FLACC1: variants seen among roughly 807,000 people sequenced by gnomAD.
FLACC1 encodes flagellum associated containing coiled-coil domains 1, also known as flagellum-associated coiled-coil domain-containing protein 1.
In FLACC1, 66 loss-of-function variants were observed where a neutral mutation model predicts 62.8. The ratio of observed to expected loss-of-function variants is 1.05; its 90% CI spans 0.86 to 1.29. FLACC1 has a LOEUF of 1.29. Ranked by LOEUF, FLACC1 falls within the 50% of genes most tolerant of loss-of-function variation. FLACC1 has a pLI of 0.00. For synonymous variants in FLACC1, 156 were observed against 161.0 expected (o/e 0.97, Z 0.24); for missense variants, 452 against 489.1 (o/e 0.92, Z 0.71).
the FLACC1 span, among the ~76,000 whole-genome samples, chr2:201,363,657 C>T: frequency 6.6e-6 from 1 of 152,006 alleles, no homozygotes; most frequent in Non-Finnish European, 1.5e-5. Flanking sequence ...CTCCTCCATG[C>T]TCAGGCAGAT....
At chr2:201,348,398 G>A in intron 3 of FLACC1, 96 bp from the exon 4 acceptor site, 1 of 1,306,172 alleles carries the variant, frequency 7.7e-7, no homozygotes, top group Non-Finnish European at 1.1e-6. Context: ...TCTGACTTCT[G>A]CTCTCTGACC....
At chr2:201,339,837 C>G (rs1038412086) in intron 7 of FLACC1, among the ~76,000 whole-genome samples, 1 of 152,048 alleles carries the variant, frequency 6.6e-6, no homozygotes, top group Non-Finnish European at 1.5e-5. Context: ...AATTCTTGGG[C>G]CTTTTAGTGT....
chr2:201,361,639 G>T (rs947068513), upstream of FLACC1, among the ~76,000 whole-genome samples: 14 of 152,170 alleles, frequency 9.2e-5, no homozygotes, highest in African/African-American at 3.4e-4. Flanking sequence ...TTACTGGATA[G>T]ATCTAAAGAT....
intron 11 of FLACC1, among the ~76,000 whole-genome samples, chr2:201,307,144 TG>T (rs1950123627): frequency 2.6e-5 from 4 of 152,334 alleles, no homozygotes; most frequent in African/African-American, 7.2e-5. Flanking sequence ...AAGTTAAACC[TG>T]TACCTGCCCT....
chr2:201,349,504 T>C (rs953518690), intron 3 of FLACC1, among the ~76,000 whole-genome samples: 10 of 152,188 alleles, frequency 6.6e-5, no homozygotes, highest in African/African-American at 2.4e-4. Flanking sequence ...CCCACTAGAA[T>C]ATAAGTGCCA....
At chr2:201,301,971 C>T (rs1327889319) in intron 11 of FLACC1, among the ~76,000 whole-genome samples, 1 of 152,192 alleles carries the variant, frequency 6.6e-6, no homozygotes, top group Non-Finnish European at 1.5e-5. Context: ...GTACCAGCCA[C>T]TGCAAAAACA....
chr2:201,342,885 G>A (rs572432897), intron 6 of FLACC1, among the ~76,000 whole-genome samples: 10 of 152,338 alleles, frequency 6.6e-5, no homozygotes, highest in African/African-American at 2.2e-4. Context: ...AATCCTTGTT[G>A]ACAGTATAGT....
intron 12 of FLACC1, among the ~76,000 whole-genome samples, chr2:201,293,363 GA>G (rs1223247350): frequency 6.6e-6 from 1 of 152,196 alleles, no homozygotes. Flanking sequence ...TCAAGATTAA[GA>G]AACTCACTCA....
chr2:201,350,935 C>T (rs769477473), intron 2 of FLACC1, among the ~76,000 whole-genome samples, 153 bp from the exon 3 acceptor site: 4 of 152,206 alleles, frequency 2.6e-5, no homozygotes, highest in Non-Finnish European at 4.4e-5. Context: ...CTTTAAAACT[C>T]AGGCCCAAGG....
At chr2:201,338,097 C>T (rs1405188304) in intron 7 of FLACC1, among the ~76,000 whole-genome samples, 1 of 152,104 alleles carries the variant, frequency 6.6e-6, no homozygotes, top group Admixed American at 6.5e-5. Context: ...TGCAGTTTTC[C>T]TTCTAAAGGT....
chr2:201,327,584 GA>G (rs1242700839), intron 9 of FLACC1, among the ~76,000 whole-genome samples: 2 of 152,234 alleles, frequency 1.3e-5, no homozygotes, highest in Non-Finnish European at 2.9e-5. Context: ...AATCATCAGG[GA>G]AATGCAAATT....
intron 11 of FLACC1, among the ~76,000 whole-genome samples, chr2:201,306,937 C>T (rs1950119651): frequency 6.6e-6 from 1 of 152,078 alleles, no homozygotes; most frequent in Non-Finnish European, 1.5e-5. Context: ...TGAGAAAATG[C>T]CCAACATAAT....
At chr2:201,296,259 A>C (rs2125540917) in intron 12 of FLACC1, among the ~76,000 whole-genome samples, 1 of 152,208 alleles carries the variant, frequency 6.6e-6, no homozygotes, top group East Asian at 1.9e-4. Context: ...CTTGGAACCA[A>C]CCCAAATGTC....
intron 3 of FLACC1, 101 bp downstream of exon 3, chr2:201,350,610 G>A: frequency 1.0e-6 from 1 of 967,692 alleles, no homozygotes; most frequent in South Asian, 1.6e-5. Context: ...GAGACTGGGA[G>A]GCAGAGGTTG....
In FLACC1 at chr2:201,289,781, A is replaced by G; in HGVS notation, c.947T>C (p.Met316Thr). ...GGCTTGTGCATGCAATTCTTCCTGC[A>G]TGACCTGCATAAGAAGAAGCTGTTG... ...LEELRKTKEVMQEELHAQALI... is the reference protein window; with the variant it reads ...LEELRKTKEVTQEELHAQALI... Residue 316 changes from methionine to threonine, a missense_variant, in exon 13 of 15, where the codon ATG becomes ACG. Physicochemically the swap from Met to Thr is moderately conservative, Grantham distance 81. This residue lies in a region of FLACC1 where 301 missense variants were observed against 318.4 expected (regional missense o/e 0.95). Transcript: ENST00000392257. 4 of 1,614,204 alleles carry G rather than the reference A, an allele frequency of 2.5e-6. No individual in the cohort carries two copies. Among genetic ancestry groups the G allele is most frequent in the East Asian group, 2.2e-5 (1 of 44,884 alleles).
intron 11 of FLACC1, among the ~76,000 whole-genome samples, chr2:201,301,335 T>C (rs1949977857): frequency 1.3e-5 from 2 of 152,158 alleles, no homozygotes; most frequent in Non-Finnish European, 2.9e-5. Flanking sequence ...GTATCAGTGA[T>C]TGAAGATCAA....
intron 9 of FLACC1, among the ~76,000 whole-genome samples, chr2:201,319,741 T>C (rs1950368481): frequency 6.6e-6 from 1 of 152,246 alleles, no homozygotes; most frequent in South Asian, 2.1e-4. Context: ...AGTTTGTTTG[T>C]GTTTTTCCAA....
chr2:201,289,931 T>G (rs1949694214), intron 12 of FLACC1, 146 bp from the exon 13 acceptor site: 3 of 1,416,148 alleles, frequency 2.1e-6, no homozygotes, highest in Admixed American at 3.8e-5. Context: ...CAGTCCTGCC[T>G]CCTCTCTGTC....
chr2:201,334,782 TA>T (rs35205917), intron 7 of FLACC1, among the ~76,000 whole-genome samples: 64,250 of 125,230 alleles, frequency 0.51, 15,397 homozygotes, highest in South Asian at 0.76. Flanking sequence ...AAACTCTGCC[TA>T]AAAAAAAAAA....
Sources: allele counts gnomAD v4.1 joint callset (sites outside exome capture counted in the v4.1 genomes callset), GRCh38; gene constraint gnomAD v4.1.1; regional missense constraint gnomAD v4.1.1; transcripts MANE v1.5; gene names NCBI Gene and HGNC (gene_info 2026-07-23, HGNC 2026-07-21).